Variants in PHACTR4 observed in about 807,000 individuals in gnomAD.
The protein encoded by PHACTR4 is phosphatase and actin regulator 4.
In PHACTR4, 51 loss-of-function variants were observed where a neutral mutation model predicts 72.7. That is an observed-to-expected ratio of 0.70 (90% CI 0.56 to 0.89). The LOEUF (loss-of-function observed/expected upper bound fraction) is 0.89, where lower values mean the gene tolerates loss of function less well. Among genes scored for constraint, PHACTR4 ranks in the 40% least tolerant of loss-of-function variants. PHACTR4 has a pLI of 0.00. For missense variants in PHACTR4, 731 were observed against 861.8 expected (o/e 0.85, Z 1.90); for synonymous variants, 255 against 302.5 (o/e 0.84, Z 1.63).
intron 1 of PHACTR4, among the ~76,000 whole-genome samples, chr1:28,387,784 A>T (rs531623791): frequency 6.6e-6 from 1 of 151,820 alleles, no homozygotes; most frequent in African/African-American, 2.4e-5. Context: ...CTGGAGTGCA[A>T]TGGCACGATC....
chr1:28,437,040 A>G (rs1473228869), intron 2 of PHACTR4, among the ~76,000 whole-genome samples: 2 of 152,206 alleles, frequency 1.3e-5, no homozygotes, highest in African/African-American at 4.8e-5. Flanking sequence ...GGTATATTCA[A>G]TCCTAAAATA....
chr1:28,404,276 CT>C (rs58454588), intron 1 of PHACTR4, among the ~76,000 whole-genome samples: 172 of 101,416 alleles, frequency 1.7e-3, no homozygotes, highest in African/African-American at 2.5e-3. Context: ...TATGAACATC[CT>C]TTTTTTTTTT....
At chr1:28,436,342 T>G (rs1656635012) in intron 2 of PHACTR4, among the ~76,000 whole-genome samples, 1 of 152,052 alleles carries the variant, frequency 6.6e-6, no homozygotes, top group African/African-American at 2.4e-5. Context: ...TGTCAAGTGA[T>G]CCTCCCACCT....
intron 1 of PHACTR4, among the ~76,000 whole-genome samples, chr1:28,378,267 T>C (rs1482531128): frequency 6.8e-6 from 1 of 146,074 alleles, no homozygotes; most frequent in Admixed American, 7.0e-5. Context: ...TTTGGGAGGC[T>C]GAGGCGGGTG....
chr1:28,421,706 TA>T (rs1369420229), intron 2 of PHACTR4, among the ~76,000 whole-genome samples: 1 of 152,170 alleles, frequency 6.6e-6, no homozygotes, highest in Non-Finnish European at 1.5e-5. Flanking sequence ...TAGAGCTCAG[TA>T]ATCAAAGGGC....
chr1:28,442,650 G>A (rs148213051), intron 2 of PHACTR4, among the ~76,000 whole-genome samples: 137 of 151,966 alleles, frequency 9.0e-4, no homozygotes, highest in African/African-American at 3.1e-3. Context: ...GGGACTACAG[G>A]TGCCCACCAC....
At chr1:28,394,630 C>G (rs1653342832) in intron 1 of PHACTR4, among the ~76,000 whole-genome samples, 1 of 147,326 alleles carries the variant, frequency 6.8e-6, no homozygotes, top group South Asian at 2.1e-4. Flanking sequence ...GAGTTTTGCT[C>G]TTGTTGCCCA....
rs960427055 is a variant in PHACTR4 at position 28,498,861 on chromosome 1, A to T, written c.*2312A>T. The stretch of plus-strand genomic sequence containing the variant: ...ACTTTGGGAAGCCAAGGCGGTCAGG[A>T]GTTTGAGACCAGCCTGACCAACATG... On this transcript the variant is annotated 3_prime_UTR_variant, in exon 14 of 14. Transcript: ENST00000373839. 12 of 137,448 alleles carry T rather than the reference A, an allele frequency of 8.7e-5. No homozygotes were observed. Among genetic ancestry groups the T allele is most frequent in the African/African-American group, 3.6e-4 (11 of 30,210 alleles). 8.5% of individuals were successfully genotyped at this position (137,448 alleles called of 1,614,324 possible).
At chr1:28,452,234 G>T (rs1658031205) in intron 2 of PHACTR4, among the ~76,000 whole-genome samples, 1 of 152,108 alleles carries the variant, frequency 6.6e-6, no homozygotes, top group South Asian at 2.1e-4. Flanking sequence ...GACCAGATGT[G>T]GTGGCTTTTG....
chr1:28,445,572 C>G (rs1176939530), intron 2 of PHACTR4, among the ~76,000 whole-genome samples: 1 of 151,736 alleles, frequency 6.6e-6, no homozygotes, highest in Non-Finnish European at 1.5e-5. Flanking sequence ...TAATATATTG[C>G]TATAAAAGAT....
chr1:28,433,371 A>G (rs921054125), intron 2 of PHACTR4, among the ~76,000 whole-genome samples: 4 of 152,188 alleles, frequency 2.6e-5, no homozygotes, highest in African/African-American at 9.6e-5. Context: ...TTGTTAGAAG[A>G]AAAATGAAAC....
intron 10 of PHACTR4, 73 bp downstream of exon 10, chr1:28,489,298 A>T: frequency 7.6e-7 from 1 of 1,315,534 alleles, no homozygotes; most frequent in South Asian, 1.3e-5. Context: ...ACATAAAAGA[A>T]AAAAGAAGCG....
intron 2 of PHACTR4, among the ~76,000 whole-genome samples, chr1:28,421,130 C>A (rs771257278): frequency 6.6e-6 from 1 of 152,202 alleles, no homozygotes; most frequent in Non-Finnish European, 1.5e-5. Flanking sequence ...TGGCTGACTT[C>A]TGCATGTCCT....
intron 2 of PHACTR4, among the ~76,000 whole-genome samples, chr1:28,445,388 C>T (rs540403679): frequency 1.9e-4 from 29 of 152,280 alleles, no homozygotes; most frequent in Non-Finnish European, 4.0e-4. Flanking sequence ...TGCACCCAGC[C>T]CTTCCTAATT....
intron 9 of PHACTR4, among the ~76,000 whole-genome samples, chr1:28,482,843 G>T (rs897706356): frequency 6.7e-6 from 1 of 150,100 alleles, no homozygotes; most frequent in Non-Finnish European, 1.5e-5. Context: ...GGAAGCTTAG[G>T]TAGAAGGATC....
chr1:28,420,235 C>A (rs1019252451), intron 2 of PHACTR4, among the ~76,000 whole-genome samples: 1 of 152,124 alleles, frequency 6.6e-6, no homozygotes, highest in African/African-American at 2.4e-5. Context: ...ACCCAAATCT[C>A]ATCATGAATT....
At chr1:28,495,760 G>A (rs557726751) in intron 13 of PHACTR4, among the ~76,000 whole-genome samples, 1 of 151,800 alleles carries the variant, frequency 6.6e-6, no homozygotes, top group South Asian at 2.1e-4. Context: ...GTGACTACAG[G>A]CACAGGCCAC....
intron 1 of PHACTR4, among the ~76,000 whole-genome samples, chr1:28,396,845 CTTTT>C (rs60578939): frequency 0.017 from 2,017 of 119,702 alleles, 24 homozygotes; most frequent in Middle Eastern, 0.054. Context: ...TTCTTTCTTT[CTTTT>C]TTTTTTTTTT....
chr1:28,451,262 G>A (rs1298120183), intron 2 of PHACTR4, among the ~76,000 whole-genome samples: 1 of 151,768 alleles, frequency 6.6e-6, no homozygotes. Context: ...CCTACTCTTT[G>A]TTCTGTAATG....
Sources: gnomAD v4.1 joint callset for allele counts (sites outside exome capture counted in the v4.1 genomes callset) on GRCh38, gnomAD v4.1.1 for gene constraint, MANE v1.5 for transcripts, NCBI Gene and HGNC (gene_info 2026-07-23, HGNC 2026-07-21) for gene names.